KSR2: variants seen among roughly 807,000 people sequenced by gnomAD.
KSR2 encodes the protein kinase suppressor of ras 2.
A neutral mutation model predicts 107.8 loss-of-function variants in KSR2; 25 were observed. The ratio of observed to expected loss-of-function variants is 0.23; its 90% confidence interval spans 0.17 to 0.32. The LOEUF (loss-of-function observed/expected upper bound fraction) is 0.32, where lower values mean the gene tolerates loss of function less well. Ranked by LOEUF, KSR2 falls within the 10% of genes least tolerant of loss-of-function variation. The pLI, the probability that KSR2 is intolerant of heterozygous loss-of-function variation, is 1.00. For missense variants in KSR2, 887 were observed against 1,268.9 expected (o/e 0.70, Z 4.57); for synonymous variants, 480 against 507.0 (o/e 0.95, Z 0.71).
At chr12:117,818,570 C>G (rs1438796797) in intron 3 of KSR2, among the ~76,000 whole-genome samples, 2 of 152,110 alleles carry the variant, frequency 1.3e-5, no homozygotes, top group Non-Finnish European at 2.9e-5. Context: ...GTGAATGAGC[C>G]CATAGCAAGT....
intron 1 of KSR2, among the ~76,000 whole-genome samples, chr12:117,930,420 C>T (rs1169972524): frequency 6.6e-6 from 1 of 152,106 alleles, no homozygotes; most frequent in Non-Finnish European, 1.5e-5. Flanking sequence ...TTAATATGCA[C>T]AGAAATCACC....
In KSR2 at chr12:117,488,458, C is replaced by A. The variant is rs913772955; in HGVS notation, c.2220-2767G>T. Among the ~76,000 whole-genome samples the A allele has an allele frequency of 3.9e-5, 6 of 152,104 alleles. No individual in the cohort carries two copies. The South Asian group carries it at 1.2e-3, about 32-fold the overall frequency. Reference sequence around the variant, plus strand: ...CCGTATGTTGAAATCCTAATCCCAACGTGATGGTATTAGGAGGTGAGGCTT... The same window carrying A: ...CCGTATGTTGAAATCCTAATCCCAAAGTGATGGTATTAGGAGGTGAGGCTT... On this transcript the variant is annotated intron_variant, in intron 14 of 19. Coordinates refer to ENST00000339824, the MANE Select transcript of KSR2 (RefSeq NM_173598.6).
intron 1 of KSR2, among the ~76,000 whole-genome samples, chr12:117,898,537 C>T (rs377611178): frequency 1.4e-4 from 21 of 151,954 alleles, no homozygotes; most frequent in African/African-American, 4.3e-4. Flanking sequence ...CCAGGCTGGT[C>T]TCGAATTCCT....
chr12:117,715,115 G>A (rs889689364), intron 4 of KSR2, among the ~76,000 whole-genome samples: 3 of 152,022 alleles, frequency 2.0e-5, no homozygotes, highest in Non-Finnish European at 4.4e-5. Context: ...ATTCATGCTC[G>A]CATTCACAAT....
chr12:117,938,619 G>A (rs1006793330), intron 1 of KSR2, among the ~76,000 whole-genome samples: 1 of 151,724 alleles, frequency 6.6e-6, no homozygotes, highest in Non-Finnish European at 1.5e-5. Context: ...GCATGGTGGT[G>A]TACCCCAATA....
intron 14 of KSR2, among the ~76,000 whole-genome samples, chr12:117,506,701 A>G (rs1391483089): frequency 1.3e-5 from 2 of 152,200 alleles, no homozygotes; most frequent in Admixed American, 6.5e-5. Flanking sequence ...TGACTCTGAG[A>G]TGGGAGGAAA....
chr12:117,703,819 T>G (rs484659), intron 4 of KSR2, among the ~76,000 whole-genome samples: 122,718 of 152,138 alleles, frequency 0.81, 49,686 homozygotes, highest in South Asian at 0.93. Context: ...AACTCCAACT[T>G]CATGAGGTAT....
intron 5 of KSR2, among the ~76,000 whole-genome samples, chr12:117,624,884 C>T (rs1036689552): frequency 8.5e-5 from 13 of 152,150 alleles, no homozygotes; most frequent in Non-Finnish European, 1.5e-4. Context: ...TTTCACTGAG[C>T]AGTGGTTTAT....
intron 3 of KSR2, among the ~76,000 whole-genome samples, chr12:117,802,343 A>C (rs1890861822): frequency 1.3e-5 from 2 of 152,140 alleles, no homozygotes; most frequent in African/African-American, 4.8e-5. Context: ...TAGATCATCC[A>C]TGATAATCTC....
intron 3 of KSR2, among the ~76,000 whole-genome samples, chr12:117,806,747 T>C (rs571630850): frequency 2.7e-4 from 41 of 152,320 alleles, no homozygotes; most frequent in Non-Finnish European, 5.6e-4. Context: ...TTCATAGAAA[T>C]GGAATCCTGC....
At chr12:117,867,158 A>T (rs527625211) in intron 1 of KSR2, among the ~76,000 whole-genome samples, 115 of 152,128 alleles carry the variant, frequency 7.6e-4, no homozygotes, top group African/African-American at 2.7e-3. Context: ...TCTACTAAAA[A>T]TACAAAAATG....
chr12:117,616,706 C>T (rs1881910698), intron 5 of KSR2, among the ~76,000 whole-genome samples: 1 of 152,204 alleles, frequency 6.6e-6, no homozygotes. Flanking sequence ...CCCAACTTCT[C>T]CTTCTGCCCA....
chr12:117,509,427 A>G (rs1163697240), intron 14 of KSR2, among the ~76,000 whole-genome samples: 1 of 152,200 alleles, frequency 6.6e-6, no homozygotes, highest in Non-Finnish European at 1.5e-5. Context: ...GGACCGAAAG[A>G]AAGAGAGCAG....
At chr12:117,724,811 A>G (rs975667) in intron 4 of KSR2, among the ~76,000 whole-genome samples, 73,224 of 151,306 alleles carry the variant, frequency 0.48, 18,537 homozygotes, top group African/African-American at 0.63. Flanking sequence ...CACTCATTAG[A>G]AAAGAAGAAG....
chr12:117,543,286 T>A (rs1876633370), intron 9 of KSR2, among the ~76,000 whole-genome samples: 1 of 152,338 alleles, frequency 6.6e-6, no homozygotes, highest in East Asian at 1.9e-4. Flanking sequence ...CAGTGTTTGG[T>A]ATTGTCACTG....
chr12:117,714,445 G>A (rs888341626), intron 4 of KSR2, among the ~76,000 whole-genome samples: 1 of 152,168 alleles, frequency 6.6e-6, no homozygotes, highest in African/African-American at 2.4e-5. Context: ...GAGCGAAAAG[G>A]AAGAGGAGGA....
chr12:117,612,095 C>G (rs763466872), intron 5 of KSR2, among the ~76,000 whole-genome samples: 3 of 152,110 alleles, frequency 2.0e-5, no homozygotes, highest in African/African-American at 4.8e-5. Context: ...GACCTGTACT[C>G]TAAAAAATGG....
chr12:117,577,921 T>C (rs185575361), intron 7 of KSR2, among the ~76,000 whole-genome samples: 390 of 152,348 alleles, frequency 2.6e-3, no homozygotes, highest in Non-Finnish European at 4.4e-3. Context: ...GTGAAGTGAC[T>C]TGCCCAAGGT....
intron 7 of KSR2, among the ~76,000 whole-genome samples, chr12:117,563,018 G>A (rs933516041): frequency 2.0e-5 from 3 of 152,282 alleles, no homozygotes; most frequent in Middle Eastern, 3.4e-3. Context: ...AGGGAAGAGG[G>A]ACCACAGCAA....
Sources: gnomAD v4.1 joint callset for allele counts (sites outside exome capture counted in the v4.1 genomes callset) on GRCh38, gnomAD v4.1.1 for gene constraint, MANE v1.5 for transcripts, NCBI Gene and HGNC (gene_info 2026-07-23, HGNC 2026-07-21) for gene names.